The following AGBL4 variants were observed in gnomAD, a reference collection of about 807,000 sequenced individuals.
AGBL4 encodes AGBL carboxypeptidase 4, also known as cytosolic carboxypeptidase 6.
In AGBL4, 58 loss-of-function variants were observed where a neutral mutation model predicts 66.4. That is an observed-to-expected ratio of 0.87 (90% confidence interval 0.71 to 1.09). The LOEUF (loss-of-function observed/expected upper bound fraction) is 1.09. AGBL4 is among the 50% of genes least tolerant of loss of function. The pLI is 0.00. For synonymous variants in AGBL4, 234 were observed against 222.9 expected, an observed-to-expected ratio of 1.05 and a Z score of -0.44; for missense variants, 579 against 631.0, an observed-to-expected ratio of 0.92 and a Z score of 0.88.
intron 4 of AGBL4, among the ~76,000 whole-genome samples, chr1:49,073,624 C>T (rs1255550244): frequency 6.6e-6 from 1 of 152,198 alleles, no homozygotes; most frequent in Admixed American, 6.5e-5. Context: ...CCTCTGGAAG[C>T]TTCGTCCCAG....
intron 11 of AGBL4, among the ~76,000 whole-genome samples, chr1:48,573,434 G>A (rs992771730): frequency 3.3e-5 from 5 of 152,124 alleles, no homozygotes; most frequent in Non-Finnish European, 5.9e-5. Context: ...CTCAACACCA[G>A]ACTAAGGAGG....
At position 49,111,107 on chromosome 1, in the gene AGBL4, C is replaced by T. The variant is rs188149938; in HGVS notation, c.378-65307G>A. On this transcript the variant is annotated intron_variant, in intron 4 of 13. Coordinates refer to ENST00000371839, the MANE Select transcript of AGBL4 (RefSeq NM_032785.4). Reference sequence around the variant, plus strand: ...TTCTATTACATGTTTCCTTTCAATTCGTTGAATTTTTTTTTTTTTTTTTTG... The same window carrying T: ...TTCTATTACATGTTTCCTTTCAATTTGTTGAATTTTTTTTTTTTTTTTTTG... Among the ~76,000 whole-genome samples the T allele has an allele frequency of 9.0e-5, 12 of 132,642 alleles. No individual in the cohort carries two copies. The East Asian group carries it at 2.0e-3, about 22-fold the overall frequency. The allele number at this position is 132,642 out of a possible 152,430, so 87.0% of individuals were successfully genotyped here.
chr1:48,911,086 C>T (rs1203986035), intron 5 of AGBL4, among the ~76,000 whole-genome samples: 1 of 152,202 alleles, frequency 6.6e-6, no homozygotes, highest in African/African-American at 2.4e-5. Flanking sequence ...TTTCTGATCC[C>T]ATCAAGCTCA....
chr1:49,564,138 G>C (rs1644129526), intron 3 of AGBL4, among the ~76,000 whole-genome samples: 1 of 152,138 alleles, frequency 6.6e-6, no homozygotes, highest in Admixed American at 6.5e-5. Context: ...TTGTATCTCT[G>C]TGGGATCGGT....
At chr1:49,659,003 T>A (rs1022933047) in intron 3 of AGBL4, among the ~76,000 whole-genome samples, 1 of 151,768 alleles carries the variant, frequency 6.6e-6, no homozygotes, top group African/African-American at 2.4e-5. Context: ...GAACTTAAAG[T>A]ATAATAAAAA....
At chr1:49,978,412 C>T (rs1025838422) in intron 1 of AGBL4, among the ~76,000 whole-genome samples, 1 of 152,104 alleles carries the variant, frequency 6.6e-6, no homozygotes, top group African/African-American at 2.4e-5. Flanking sequence ...CCACTGCCCT[C>T]TAGCCTAGGC....
intron 6 of AGBL4, chr1:48,818,174 C>A (rs967578504): frequency 2.8e-6 from 2 of 717,124 alleles, no homozygotes; most frequent in Admixed American, 4.0e-5. Flanking sequence ...TTTGGAAAGG[C>A]CACCATTCTC....
intron 1 of AGBL4, among the ~76,000 whole-genome samples, chr1:50,004,176 C>A (rs1476320087): frequency 6.6e-6 from 1 of 152,204 alleles, no homozygotes; most frequent in Non-Finnish European, 1.5e-5. Context: ...GAACTCAGTG[C>A]TACCCTGTCA....
chr1:49,799,667 T>C (rs1205530495), intron 2 of AGBL4, among the ~76,000 whole-genome samples: 1 of 152,138 alleles, frequency 6.6e-6, no homozygotes, highest in Non-Finnish European at 1.5e-5. Context: ...AAAGGGCATC[T>C]TGATGGCATC....
chr1:49,771,989 G>T (rs1644072468), intron 2 of AGBL4, among the ~76,000 whole-genome samples: 1 of 151,980 alleles, frequency 6.6e-6, no homozygotes, highest in Admixed American at 6.6e-5. Flanking sequence ...ATCATTGATA[G>T]GTAAGGATGT....
At chr1:49,479,074 AAGAG>A (rs1007157751) in intron 3 of AGBL4, among the ~76,000 whole-genome samples, 19 of 151,708 alleles carry the variant, frequency 1.3e-4, no homozygotes, top group African/African-American at 4.6e-4. Flanking sequence ...AAAAGGAAAA[AAGAG>A]AAGACCTCAA....
At chr1:49,320,704 G>A (rs958306942) in intron 3 of AGBL4, among the ~76,000 whole-genome samples, 5 of 152,122 alleles carry the variant, frequency 3.3e-5, no homozygotes, top group Admixed American at 6.6e-5. Flanking sequence ...TTTGAGGAGC[G>A]TGACTCAAAG....
At chr1:48,731,081 A>G (rs897237606) in intron 6 of AGBL4, among the ~76,000 whole-genome samples, 4 of 152,132 alleles carry the variant, frequency 2.6e-5, no homozygotes, top group African/African-American at 4.8e-5. Flanking sequence ...AGGCTTTTCT[A>G]TTTTTTTATA....
chr1:48,691,055 C>G (rs1646622013), intron 6 of AGBL4, among the ~76,000 whole-genome samples: 1 of 151,056 alleles, frequency 6.6e-6, no homozygotes, highest in Non-Finnish European at 1.5e-5. Flanking sequence ...ATCTCAGCTA[C>G]TCCAGAGGCT....
intron 6 of AGBL4, among the ~76,000 whole-genome samples, chr1:48,824,353 C>T (rs1646380509): frequency 6.6e-6 from 1 of 152,088 alleles, no homozygotes; most frequent in South Asian, 2.1e-4. Flanking sequence ...GAAGACTTAA[C>T]CTCTAATAAA....
rs565781752 is a variant in AGBL4 at position 48,651,657 on chromosome 1, T to C, written c.839+1680A>G. Reference sequence around the variant, plus strand: ...TTAAGAGTGGAAGCAAAACTGTCTTTAATGAAGGCTTCAGGCATCTCATGG... The same window carrying C: ...TTAAGAGTGGAAGCAAAACTGTCTTCAATGAAGGCTTCAGGCATCTCATGG... On this transcript the variant is annotated intron_variant, in intron 8 of 13. Coordinates refer to ENST00000371839, the MANE Select transcript of AGBL4 (RefSeq NM_032785.4). 3.9e-5 allele frequency among the ~76,000 whole-genome samples: 6 copies of C among 152,308 alleles called. No individual in the cohort carries two copies. In the East Asian group the frequency reaches 1.2e-3, roughly 29 times the overall value.
rs1037046024 is a variant in AGBL4 at position 49,851,451 on chromosome 1, G to A, written c.102C>T (p.Gly34=). The A allele has an allele frequency of 6.4e-7, 1 of 1,550,458 alleles. No homozygotes were observed. The highest frequency in any genetic ancestry group is 1.7e-4 in the Middle Eastern group (1 of 5,988). ...GTCCTTTCTTGGGCTGTCCACAATA[G>A]CCAGTTGGAAGCACTATATATTTGC... is the stretch of plus-strand genomic sequence containing the variant. The part of the protein sequence containing the change: ...NVSKYIVLPT[G]YCGQPKKGHL... Residue 34 remains glycine, a synonymous_variant, in exon 2 of 14, where the codon GGC becomes GGT. Transcript: ENST00000371839.
chr1:49,672,188 C>T (rs1646490303), intron 3 of AGBL4, among the ~76,000 whole-genome samples: 1 of 152,122 alleles, frequency 6.6e-6, no homozygotes, highest in Admixed American at 6.6e-5. Context: ...TCTGCAAGAA[C>T]ATGGATGGAG....
chr1:49,810,637 A>T lies in AGBL4; in HGVS notation c.157+40759T>A, dbSNP rs554548132. Among the ~76,000 whole-genome samples, 21 of 152,286 alleles carry T rather than the reference A, an allele frequency of 1.4e-4. No homozygotes were observed. The South Asian group carries it at 4.2e-3, about 30-fold the overall frequency. ...AAAACATGTTTCATGTATAGTGAAT[A>T]CTTCTGATTGACTGGAATACTGGGT... On this transcript the variant is annotated intron_variant, in intron 2 of 13. Transcript: ENST00000371839.
Sources: allele counts gnomAD v4.1 joint callset (sites outside exome capture counted in the v4.1 genomes callset), GRCh38; gene constraint gnomAD v4.1.1; transcripts MANE v1.5; gene names NCBI Gene and HGNC (gene_info 2026-07-23, HGNC 2026-07-21).